Variants in MBTPS1 observed in about 807,000 individuals in gnomAD.
The protein encoded by MBTPS1 is membrane-bound transcription factor site-1 protease.
In MBTPS1, 94 loss-of-function variants were observed where a neutral mutation model predicts 127.8. The ratio of observed to expected loss-of-function variants is 0.74; its 90% CI spans 0.62 to 0.87. MBTPS1 has a LOEUF of 0.87. Ranked by LOEUF, MBTPS1 falls within the 40% of genes least tolerant of loss-of-function variation. The probability of loss-of-function intolerance (pLI) is 0.00; values close to 1 mark genes in which losing one functional copy is unlikely to be tolerated. For synonymous variants in MBTPS1, 632 were observed against 509.4 expected (o/e 1.24, Z -3.24); for missense variants, 1,636 against 1,353.2 (o/e 1.21, Z -3.28).
rs531622663 is a variant in MBTPS1 at position 84,081,724 on chromosome 16, C to T, written c.1448+23G>A. ...GAGCCCAGTGAAGGAGAGAAAGACCCATCGGCAGGGCGGTGCACTGACCTT... is the reference window on the plus strand; with the variant it reads ...GAGCCCAGTGAAGGAGAGAAAGACCTATCGGCAGGGCGGTGCACTGACCTT... On this transcript the variant is annotated intron_variant, in intron 11 of 22. Coordinates refer to ENST00000343411, the MANE Select transcript of MBTPS1 (RefSeq NM_003791.4). The T allele has an allele frequency of 4.6e-5, 61 of 1,340,562 alleles. No individual in the cohort carries two copies. In the South Asian group the frequency reaches 1.3e-3, roughly 29 times the overall value. 83.0% of individuals were successfully genotyped at this position (1,340,562 alleles called of 1,614,324 possible).
At position 84,070,655 on chromosome 16, in the gene MBTPS1, G is replaced by T. The variant is rs141540308; in HGVS notation, c.1715C>A (p.Ala572Glu). 2 of 1,613,722 alleles carry T rather than the reference G, an allele frequency of 1.2e-6. No individual in the cohort carries two copies. The highest frequency in any genetic ancestry group is 8.5e-7 in the Non-Finnish European group (1 of 1,179,968). ...CTGAGCAATGCCTTCCCAGGAAGCC[G>T]CTTTCTTGGTCACAGAAATGGAGAT... ...LAISISVTKK[A>E]ASWEGIAQGH... The change falls in exon 13 of 23, where the codon GCG becomes GAG. Residue 572 changes from alanine to glutamate, a missense_variant. Transcript: ENST00000343411.
chr16:84,108,835 T>C (rs2086360446), intron 1 of MBTPS1, among the ~76,000 whole-genome samples: 1 of 152,206 alleles, frequency 6.6e-6, no homozygotes, highest in Non-Finnish European at 1.5e-5. Flanking sequence ...ATATTTTACA[T>C]ATAATGGGAT....
intron 1 of MBTPS1, among the ~76,000 whole-genome samples, chr16:84,106,960 C>T (rs1016750538): frequency 1.3e-5 from 2 of 152,182 alleles, no homozygotes; most frequent in African/African-American, 4.8e-5. Context: ...GTGGTGCTTG[C>T]CCCTAATTGA....
chr16:84,098,063 A>G (rs1182192811), intron 3 of MBTPS1, among the ~76,000 whole-genome samples: 8 of 152,226 alleles, frequency 5.3e-5, no homozygotes, highest in Non-Finnish European at 1.2e-4. Context: ...TTGGTAACAC[A>G]TATCTTTGGA....
At chr16:84,086,535 G>A (rs1319114545) in intron 9 of MBTPS1, 1 of 152,514 alleles carries the variant, frequency 6.6e-6, no homozygotes. Context: ...GAGTGGCGGG[G>A]ACGCTGGGGG....
At chr16:84,115,835 C>T (rs1324079247) in intron 1 of MBTPS1, among the ~76,000 whole-genome samples, 1 of 151,998 alleles carries the variant, frequency 6.6e-6, no homozygotes, top group East Asian at 1.9e-4. Context: ...CTAAAAACCA[C>T]TGAATAGTAC....
intron 20 of MBTPS1, 154 bp downstream of exon 20, chr16:84,060,528 G>A (rs1008027450): frequency 1.6e-5 from 13 of 788,580 alleles, no homozygotes; most frequent in Admixed American, 8.4e-5. Flanking sequence ...GGTTAGAGCC[G>A]CTGAGTGCTG....
At chr16:84,063,158 A>G (rs1309279437) in intron 19 of MBTPS1, 147 bp downstream of exon 19, 1 of 789,028 alleles carries the variant, frequency 1.3e-6, no homozygotes, top group East Asian at 2.5e-5. Flanking sequence ...CCAAGCAATC[A>G]AAGTGACTGC....
chr16:84,084,483 A>G (rs1247421786), intron 10 of MBTPS1, among the ~76,000 whole-genome samples: 1 of 152,250 alleles, frequency 6.6e-6, no homozygotes, highest in African/African-American at 2.4e-5. Context: ...TCGTTTCACT[A>G]GAGTAACCTC....
rs185965364 is a variant in MBTPS1, at chr16:84,101,158, G to T, written c.163+463C>A. Among the ~76,000 whole-genome samples, 7 of 152,222 alleles carry T rather than the reference G, an allele frequency of 4.6e-5. No homozygotes were observed. The East Asian group carries it at 1.3e-3, about 29-fold the overall frequency. On this transcript the variant is annotated intron_variant, in intron 2 of 22. Coordinates refer to ENST00000343411, the MANE Select transcript of MBTPS1 (RefSeq NM_003791.4). ...TACTAAAAATAGAAAAAATTAACTGGGAGTTGTGGCGGGTGCCTGTAGTCC... is the reference window on the plus strand; with the variant it reads ...TACTAAAAATAGAAAAAATTAACTGTGAGTTGTGGCGGGTGCCTGTAGTCC...
chr16:84,086,968 G>C (rs2086037035), intron 9 of MBTPS1, among the ~76,000 whole-genome samples: 1 of 152,022 alleles, frequency 6.6e-6, no homozygotes, highest in African/African-American at 2.4e-5. Context: ...AACTTCTTAA[G>C]GCTCCCCTCC....
chr16:84,065,371 C>T (rs2085666695), intron 18 of MBTPS1, among the ~76,000 whole-genome samples: 3 of 152,094 alleles, frequency 2.0e-5, no homozygotes, highest in Admixed American at 2.0e-4. Context: ...CCTGCCTCAG[C>T]CTCTCAAAGT....
At chr16:84,073,732 C>T (rs969958047) in intron 12 of MBTPS1, among the ~76,000 whole-genome samples, 4 of 151,828 alleles carry the variant, frequency 2.6e-5, no homozygotes, top group Admixed American at 6.6e-5. Context: ...CTGGCTGGTG[C>T]GGTGGCTCAC....
chr16:84,059,194 A>G (rs1020455735), intron 21 of MBTPS1, 108 bp downstream of exon 21: 4 of 1,391,070 alleles, frequency 2.9e-6, no homozygotes, highest in Admixed American at 4.5e-5. Context: ...AAGCTTGAAG[A>G]TCTGACAATT....
intron 3 of MBTPS1, among the ~76,000 whole-genome samples, chr16:84,096,340 C>T (rs1402702677): frequency 1.3e-5 from 2 of 152,164 alleles, no homozygotes; most frequent in African/African-American, 2.4e-5. Context: ...AACAAAAGGA[C>T]TACACAGGAG....
rs555090670 is a variant in MBTPS1 at position 84,108,465 on chromosome 16, T to C, written c.-324-6358A>G. 2.6e-5 allele frequency among the ~76,000 whole-genome samples: 4 copies of C among 152,332 alleles called. No homozygotes were observed. In the South Asian group the frequency reaches 6.2e-4, roughly 24 times the overall value. ...TTTTAGTAGAGACAGGATTTTGCCA[T>C]GCTGGCCAGGCTGGTCTCGAACTCC... On this transcript the variant is annotated intron_variant, in intron 1 of 22. Transcript: ENST00000343411.
chr16:84,091,443 G>C (rs2086105403), intron 7 of MBTPS1, among the ~76,000 whole-genome samples: 1 of 141,400 alleles, frequency 7.1e-6, no homozygotes, highest in Non-Finnish European at 1.5e-5. Context: ...CCAAGACTGT[G>C]CCATTGTACT....
chr16:84,086,659 C>G (rs1378225272), intron 9 of MBTPS1: 3 of 152,298 alleles, frequency 2.0e-5, no homozygotes, highest in Non-Finnish European at 4.4e-5. Flanking sequence ...AGGGACTTAT[C>G]TGAGGCCTCC....
In MBTPS1 at chr16:84,095,863, C is replaced by T. The variant is rs190457424; in HGVS notation, c.422-58G>A. 3,117 of 1,434,234 alleles carry T rather than the reference C, an allele frequency of 2.2e-3. 5 individuals are homozygous for T. Among genetic ancestry groups the T allele is most frequent in the Non-Finnish European group, 2.8e-3 (2,856 of 1,028,460 alleles). The allele number at this position is 1,434,234 out of a possible 1,614,324, so 88.8% of individuals were successfully genotyped here. On this transcript the variant is annotated intron_variant, in intron 3 of 22. Transcript: ENST00000343411. ...AGAGCAAAACGAACTACACGATACC[C>T]GCCAGGCAAAACTATCCTAAACACA...
Sources: gnomAD v4.1 joint callset for allele counts (sites outside exome capture counted in the v4.1 genomes callset) on GRCh38, gnomAD v4.1.1 for gene constraint, MANE v1.5 for transcripts, NCBI Gene and HGNC (gene_info 2026-07-23, HGNC 2026-07-21) for gene names.